Variants in TTN observed in about 807,000 individuals in gnomAD.
TTN encodes the protein titin, also known as connectin.
TTN carries 1,525 observed loss-of-function variants against 3,223.0 expected under a neutral mutation model. That is an observed-to-expected ratio of 0.47 (90% confidence interval 0.45 to 0.49). TTN has a LOEUF of 0.49. TTN is among the 20% of genes least tolerant of loss of function. The pLI, the probability that TTN is intolerant of heterozygous loss-of-function variation, is 0.00. For missense variants in TTN, 40,786 were observed against 43,424.0 expected (o/e 0.94, Z 5.40); for synonymous variants, 14,094 against 15,161.0 (o/e 0.93, Z 5.17).
rs1181651435 is a variant in TTN at position 178,599,724 on chromosome 2, G to A, written c.56177C>T (p.Pro18726Leu). 3 of 1,612,830 alleles carry A rather than the reference G, an allele frequency of 1.9e-6. No individual in the cohort carries two copies. Among genetic ancestry groups the A allele is most frequent in the African/African-American group, 1.3e-5 (1 of 74,842 alleles). The change falls in exon 289 of 363, where the codon CCT (proline) becomes CTT (leucine). Residue 18726 changes from proline (P) to leucine (L), a missense_variant. Physicochemically the swap from Pro to Leu is moderately conservative, Grantham distance 98. Coordinates refer to ENST00000589042, the MANE Select transcript of TTN (RefSeq NM_001267550.2). ...ATAGAGAACAGGTTCTTTGTTATCA[G>A]GCTTCTTTGGAGGAGCTTTAAACCA... Reference protein sequence around the residue: ...LTWFKAPPKKPDNKEPVLYDT... With the variant: ...LTWFKAPPKKLDNKEPVLYDT...
intron 326 of TTN, 172 bp from the exon 327 acceptor site, chr2:178,558,809 C>G: frequency 3.0e-6 from 2 of 656,616 alleles, no homozygotes; most frequent in South Asian, 4.3e-5. Flanking sequence ...AAGGCTCCCA[C>G]AAGCTATGTC....
chr2:178,601,977 A>G, intron 284 of TTN, 25 bp downstream of exon 284: 1 of 1,612,700 alleles, frequency 6.2e-7, no homozygotes, highest in African/African-American at 1.3e-5. Flanking sequence ...CAGTGGAAAA[A>G]AGAGGAGAAT....
intron 1 of TTN, among the ~76,000 whole-genome samples, chr2:178,804,996 A>T (rs1359701756): frequency 2.0e-5 from 3 of 152,226 alleles, no homozygotes; most frequent in Non-Finnish European, 4.4e-5. Flanking sequence ...AAACCACAGC[A>T]ATGCAGGGTT....
In TTN at chr2:178,563,202, A is replaced by G. The variant is rs754771642; in HGVS notation, c.82930T>C (p.Phe27644Leu). ...TCAGAATTGATGGCACAAATACGGA[A>G]GTTATATTCAGTGTTTTCTTTAAGC... ...TKLKENTEYNFRICAINSEGV... is the reference protein window; with the variant it reads ...TKLKENTEYNLRICAINSEGV... The change falls in exon 326 of 363, where the codon TTC (phenylalanine) becomes CTC (leucine). Residue 27644 changes from phenylalanine (F) to leucine (L), a missense_variant. By Grantham distance (22) the Phe-to-Leu change is conservative. Coordinates refer to ENST00000589042, the MANE Select transcript of TTN (RefSeq NM_001267550.2). The surrounding 1 kb of genome is among the most constrained non-coding windows in gnomAD (Gnocchi z 4.5). 1.2e-6 allele frequency: 2 copies of G among 1,613,736 alleles called. No individual in the cohort carries two copies. The highest frequency in any genetic ancestry group is 1.7e-6 in the Non-Finnish European group (2 of 1,179,720).
chr2:178,551,304 C>A, intron 335 of TTN, 44 bp from the exon 336 acceptor site: 1 of 1,538,178 alleles, frequency 6.5e-7, no homozygotes, highest in Non-Finnish European at 8.8e-7. Context: ...ACATTTGTAA[C>A]CAGGTCTTAA....
chr2:178,806,420 T>C (rs1170447937), intron 1 of TTN, among the ~76,000 whole-genome samples: 1 of 152,218 alleles, frequency 6.6e-6, no homozygotes, highest in Non-Finnish European at 1.5e-5. Context: ...AAGAAACCTT[T>C]CCTTTAAACA....
In TTN at chr2:178,584,662, AAC is replaced by A; in HGVS notation, c.64972+5_64972+6del. On this transcript the variant is annotated splice_donor_5th_base_variant and intron_variant, in intron 310 of 362. Transcript: ENST00000589042. ...AACAACTTTTTTTCTCCTTCACAAA[AAC>A]ATACCAAATGGGAACTGCGCAACCA... The A allele has an allele frequency of 6.2e-7, 1 of 1,612,208 alleles. No homozygotes were observed. Among genetic ancestry groups the A allele is most frequent in the Non-Finnish European group, 8.5e-7 (1 of 1,179,332 alleles).
At position 178,722,746 on chromosome 2, in the gene TTN, C is replaced by G. The variant is rs1273152724; in HGVS notation, c.22153G>C (p.Val7385Leu). The G allele has an allele frequency of 6.2e-7, 1 of 1,613,188 alleles. No individual in the cohort carries two copies. The highest frequency in any genetic ancestry group is 1.1e-5 in the South Asian group (1 of 91,026). The change falls in exon 76 of 363, where the codon GTG (valine) becomes CTG (leucine). Residue 7385 changes from valine to leucine, a missense_variant. Val to Leu is a conservative substitution (Grantham distance 32, BLOSUM62 1). Coordinates refer to ENST00000589042, the MANE Select transcript of TTN (RefSeq NM_001267550.2). ...TACTCTCCACTGTCATTGATGTTCA[C>G]TTTATTAAAAACAAGTGTGGCCACA... ...NNVATLVFNKVNINDSGEYTC... is the reference protein window; with the variant it reads ...NNVATLVFNKLNINDSGEYTC...
At chr2:178,577,576 G>T in intron 323 of TTN, 26 bp downstream of exon 323, 1 of 1,551,662 alleles carries the variant, frequency 6.4e-7, no homozygotes, top group Non-Finnish European at 8.7e-7. Context: ...AAAAAAAAAA[G>T]TACATAAAAA....
chr2:178,717,121 G>A lies in TTN; in HGVS notation c.25613C>T (p.Ser8538Phe), dbSNP rs375170912. ...CYASNIAGKD[S>F]CSAQLGVQEP... ...TTGTACACCCAGCTGAGCAGAACAAGAGTCTTTTCCAGCGATGTTGCTTGC... is the reference window on the plus strand; with the variant it reads ...TTGTACACCCAGCTGAGCAGAACAAAAGTCTTTTCCAGCGATGTTGCTTGC... Residue 8538 changes from serine to phenylalanine, a missense_variant, in exon 88 of 363, where the codon TCT becomes TTT. Ser to Phe is a radical substitution (Grantham distance 155). Transcript: ENST00000589042. 15 of 1,613,096 alleles carry A rather than the reference G, an allele frequency of 9.3e-6. No homozygotes were observed. In the African/African-American group the frequency reaches 2.0e-4, roughly 22 times the overall value.
Position 178,587,239 on chromosome 2 carries a change from G to C in TTN, c.63972C>G (p.Ser21324Arg). ...CAGGGACAAGATTGGTTACATGGAA[G>C]CTTGTTTTCTTAACTTCTGGGGTAA... ...STVTPEVKKTSFHVTNLVPGN... is the reference protein window; with the variant it reads ...STVTPEVKKTRFHVTNLVPGN... Residue 21324 changes from serine to arginine, a missense_variant, in exon 307 of 363, where the codon AGC becomes AGG. Physicochemically the swap from Ser to Arg is moderately radical, Grantham distance 110. Coordinates refer to ENST00000589042, the MANE Select transcript of TTN (RefSeq NM_001267550.2). The C allele has an allele frequency of 6.2e-7, 1 of 1,613,184 alleles. No homozygotes were observed. Among genetic ancestry groups the C allele is most frequent in the Non-Finnish European group, 8.5e-7 (1 of 1,179,470 alleles).
chr2:178,715,605 C>CG lies in TTN; in HGVS notation c.25808dup (p.Val8604GlyfsTer12). The CG allele has an allele frequency of 6.2e-7, 1 of 1,613,598 alleles. No individual in the cohort carries two copies. The highest frequency in any genetic ancestry group is 8.5e-7 in the Non-Finnish European group (1 of 1,179,656). ...GATTGTGCATTTCCAGCACAGCCACCGAGTCAACGAATGACATTCTGAATT... is the reference window on the plus strand; with the variant it reads ...GATTGTGCATTTCCAGCACAGCCACCGGAGTCAACGAATGACATTCTGAATT... On this transcript the variant is annotated frameshift_variant, in exon 89 of 363. Transcript: ENST00000589042. LOFTEE classifies it high-confidence loss of function.
rs727505019 is a variant in TTN at position 178,629,440 on chromosome 2, C to G, written c.44285G>C (p.Arg14762Pro). 9 of 1,612,736 alleles carry G rather than the reference C, an allele frequency of 5.6e-6. No individual in the cohort carries two copies. The highest frequency in any genetic ancestry group is 7.6e-6 in the Non-Finnish European group (9 of 1,179,186). The change falls in exon 240 of 363, where the codon CGA (arginine) becomes CCA (proline). Residue 14762 changes from arginine to proline, a missense_variant. Coordinates refer to ENST00000589042, the MANE Select transcript of TTN (RefSeq NM_001267550.2). ...TAAAGGCCTCAGAAGACCAATTACT[C>G]GTGCTTTTCGAGAGGGAAGAAACAG... ...KSSAHLRVKP[R>P]VIGLLRPLKD...
intron 21 of TTN, 111 bp downstream of exon 21, chr2:178,781,010 C>T: frequency 6.8e-7 from 1 of 1,461,424 alleles, no homozygotes; most frequent in South Asian, 1.2e-5. Flanking sequence ...GACACTGGGG[C>T]AAAGTATCAG....
At chr2:178,777,666 G>A (rs773500984) in intron 25 of TTN, 38 bp downstream of exon 25, 2 of 1,613,764 alleles carry the variant, frequency 1.2e-6, no homozygotes, top group Non-Finnish European at 1.7e-6. Flanking sequence ...TTGTTTTTGT[G>A]TTTTTATGAT....
At position 178,673,701 on chromosome 2, in the gene TTN, A is replaced by G; in HGVS notation, c.34718T>C (p.Val11573Ala). The G allele has an allele frequency of 6.3e-7, 1 of 1,585,680 alleles. No individual in the cohort carries two copies. Among genetic ancestry groups the G allele is most frequent in the African/African-American group, 1.4e-5 (1 of 73,134 alleles). ...EEVAPPRVPE[V>A]IKKAVPEAPT... is the part of the protein sequence containing the mutation. Reference sequence around the variant, plus strand: ...TGCTTCAGGTACTGCTTTCTTAATCACTTCAGGCACTTAAAAGAAATTTTA... The same window carrying G: ...TGCTTCAGGTACTGCTTTCTTAATCGCTTCAGGCACTTAAAAGAAATTTTA... The change falls in exon 152 of 363, where the codon GTG (valine) becomes GCG (alanine). Residue 11573 changes from valine to alanine, a missense_variant. Coordinates refer to ENST00000589042, the MANE Select transcript of TTN (RefSeq NM_001267550.2).
rs569444314 is a variant in TTN at position 178,740,689 on chromosome 2, C to T, written c.12544G>A (p.Glu4182Lys). ...GACATGGCACTTGGGAAGATTTTCT[C>T]GGTATCTGATAGAACTGCCTGTGTC... is the stretch of plus-strand genomic sequence containing the variant. ...PETQAVLSDT[E>K]KIFPSAMSIE... Residue 4182 changes from glutamate to lysine, a missense_variant, in exon 48 of 363, where the codon GAG becomes AAG. Transcript: ENST00000589042. 42 of 1,613,758 alleles carry T rather than the reference C, an allele frequency of 2.6e-5. No homozygotes were observed. Among genetic ancestry groups the T allele is most frequent in the African/African-American group, 2.4e-4 (18 of 74,994 alleles).
chr2:178,608,511 C>A (rs530961925), intron 274 of TTN, 34 bp from the exon 275 acceptor site: 503 of 1,561,508 alleles, frequency 3.2e-4, no homozygotes, highest in Admixed American at 8.0e-4. Flanking sequence ...GTAAATTTCC[C>A]AGTATGACAT....
chr2:178,554,636 C>A lies in TTN; in HGVS notation c.88711G>T (p.Val29571Leu). Reference sequence around the variant, plus strand: ...ACGCGGCTTGTCTCACGCTTTTCCACAATGTAGTGAGTGATTTTTGCACCA... The same window carrying A: ...ACGCGGCTTGTCTCACGCTTTTCCAAAATGTAGTGAGTGATTTTTGCACCA... ...DGGAKITHYI[V>L]EKRETSRVVW... is the part of the protein sequence containing the mutation. The change falls in exon 332 of 363, where the codon GTG (valine) becomes TTG (leucine). Residue 29571 changes from valine (V) to leucine (L), a missense_variant. Transcript: ENST00000589042. 1 of 1,613,892 alleles carries A rather than the reference C, an allele frequency of 6.2e-7. No homozygotes were observed. Among genetic ancestry groups the A allele is most frequent in the South Asian group, 1.1e-5 (1 of 91,084 alleles).
Sources: allele counts gnomAD v4.1 joint callset (sites outside exome capture counted in the v4.1 genomes callset), GRCh38; gene constraint gnomAD v4.1.1; non-coding constraint Gnocchi (gnomAD v3.1); transcripts MANE v1.5; gene names NCBI Gene and HGNC (gene_info 2026-07-23, HGNC 2026-07-21).